GOLGA1: variants seen among roughly 807,000 people sequenced by gnomAD.
GOLGA1 encodes golgin subfamily A member 1.
Under a neutral mutation model 119.7 loss-of-function variants are expected in GOLGA1, and 63 were observed. That is an observed-to-expected ratio of 0.53 (90% CI 0.43 to 0.65). The LOEUF (loss-of-function observed/expected upper bound fraction) is 0.65, where lower values mean the gene tolerates loss of function less well. Ranked by LOEUF, GOLGA1 falls within the 30% of genes least tolerant of loss-of-function variation. GOLGA1 has a pLI of 0.00. For synonymous variants in GOLGA1, 318 were observed against 333.4 expected, an observed-to-expected ratio of 0.95 and a Z score of 0.50; for missense variants, 798 against 912.8, an observed-to-expected ratio of 0.87 and a Z score of 1.62.
chr9:124,880,591 T>G lies in GOLGA1; in HGVS notation c.2243A>C (p.Lys748Thr), dbSNP rs373829356. 6.2e-7 allele frequency: 1 copy of G among 1,609,232 alleles called. No individual in the cohort carries two copies. The highest frequency in any genetic ancestry group is 8.5e-7 in the Non-Finnish European group (1 of 1,175,838). Residue 748 changes from lysine (K) to threonine (T), a missense_variant, in exon 23 of 23, where the codon AAA becomes ACA. Physicochemically the swap from Lys to Thr is moderately conservative, Grantham distance 78 (BLOSUM62 -1). Coordinates refer to ENST00000373555, the MANE Select transcript of GOLGA1 (RefSeq NM_002077.4). ...CCGGATGCTGCCCTTGGGAGCTGGTTTGGACCCAAACCATGACATCTGCAT... is the reference window on the plus strand; with the variant it reads ...CCGGATGCTGCCCTTGGGAGCTGGTGTGGACCCAAACCATGACATCTGCAT... ...LEYKMSWFGS[K>T]PAPKGSIRPS...
upstream of GOLGA1, among the ~76,000 whole-genome samples, chr9:124,942,287 T>A (rs2131554924): frequency 6.6e-6 from 1 of 152,180 alleles, no homozygotes; most frequent in Non-Finnish European, 1.5e-5. Context: ...AAAGTCACGG[T>A]CCAAATCAGT....
chr9:124,941,910 G>T (rs1372760078), upstream of GOLGA1, among the ~76,000 whole-genome samples: 1 of 151,872 alleles, frequency 6.6e-6, no homozygotes, highest in African/African-American at 2.4e-5. Context: ...GCGAGACTCC[G>T]TCTCTTTAAA....
chr9:124,923,060 A>T, intron 8 of GOLGA1, 35 bp downstream of exon 8: 3 of 1,481,342 alleles, frequency 2.0e-6, no homozygotes, highest in Non-Finnish European at 1.9e-6. Context: ...ATAATCATCT[A>T]TTCAGTATTT....
rs146171341 is a variant in GOLGA1 at position 124,880,546 on chromosome 9, C to T, written c.2288G>A (p.Arg763Gln). The T allele has an allele frequency of 4.1e-5, 66 of 1,602,094 alleles. No homozygotes were observed. In the African/African-American group the frequency reaches 7.0e-4, roughly 17 times the overall value. Residue 763 changes from arginine (R) to glutamine (Q), a missense_variant, in exon 23 of 23, where the codon CGG becomes CAG. Arg to Gln is a conservative substitution (Grantham distance 43, BLOSUM62 1). Transcript: ENST00000373555. ...GSIRPSISNP[R>Q]IPWS ...TAGTCCCCTCTAGGACCATGGTATC[C>T]GAGGGTTTGAGATAGACGGCCGGAT... is the stretch of plus-strand genomic sequence containing the variant.
chr9:124,886,878 C>T (rs1479866286), intron 19 of GOLGA1, among the ~76,000 whole-genome samples: 1 of 151,554 alleles, frequency 6.6e-6, no homozygotes, highest in Non-Finnish European at 1.5e-5. Context: ...GGCAGAGGGG[C>T]GTGAAGGCCC....
At chr9:124,927,381 T>C (rs939517725) in intron 6 of GOLGA1, among the ~76,000 whole-genome samples, 2 of 152,218 alleles carry the variant, frequency 1.3e-5, no homozygotes, top group East Asian at 1.9e-4. Flanking sequence ...TCTTCATTTA[T>C]ATACATTCAT....
chr9:124,922,537 T>G (rs1830591541), intron 8 of GOLGA1, among the ~76,000 whole-genome samples: 1 of 121,010 alleles, frequency 8.3e-6, no homozygotes, highest in Non-Finnish European at 1.6e-5. Flanking sequence ...GGTGACAGAG[T>G]GAGACTCTAT....
intron 20 of GOLGA1, among the ~76,000 whole-genome samples, chr9:124,882,250 C>T (rs921721208): frequency 1.3e-5 from 2 of 152,224 alleles, no homozygotes; most frequent in South Asian, 2.1e-4. Context: ...ACTGCGCTGG[C>T]GTGGCAGGCA....
chr9:124,891,899 C>T (rs1243811010), intron 15 of GOLGA1, among the ~76,000 whole-genome samples: 4 of 151,786 alleles, frequency 2.6e-5, no homozygotes, highest in Non-Finnish European at 5.9e-5. Context: ...CCTGCCTTGG[C>T]CTCCCAAAAT....
intron 3 of GOLGA1, among the ~76,000 whole-genome samples, chr9:124,932,101 C>T (rs1024965949): frequency 4.4e-4 from 67 of 152,166 alleles, no homozygotes; most frequent in African/African-American, 1.6e-3. Context: ...ATAATGCTCT[C>T]CATCTACTTT....
rs1464203130 is a variant in GOLGA1 at position 124,938,569 on chromosome 9, G to T, written c.135+8C>A. 7.5e-6 allele frequency: 12 copies of T among 1,601,962 alleles called. No individual in the cohort carries two copies. The highest frequency in any genetic ancestry group is 8.5e-6 in the Non-Finnish European group (10 of 1,171,350). ...AAGTATCTTTATTTCTTAAGTAAAG[G>T]TACTTACAAAGTCATCTCCTGAGTC... On this transcript the variant is annotated splice_region_variant and intron_variant, in intron 3 of 22. Coordinates refer to ENST00000373555, the MANE Select transcript of GOLGA1 (RefSeq NM_002077.4).
At chr9:124,945,921 T>C (rs1831138220), upstream of GOLGA1, 1 of 152,118 alleles carries the variant, frequency 6.6e-6, no homozygotes, top group Non-Finnish European at 1.5e-5. Flanking sequence ...GCAAAAATAG[T>C]TGTAAAGTAT....
chr9:124,881,168 T>C lies in GOLGA1; in HGVS notation c.2223+3A>G. 1.4e-6 allele frequency: 2 copies of C among 1,456,270 alleles called. No homozygotes were observed. Among genetic ancestry groups the C allele is most frequent in the Non-Finnish European group, 1.9e-6 (2 of 1,034,976 alleles). The allele number at this position is 1,456,270 out of a possible 1,614,324, so 90.2% of individuals were successfully genotyped here. ...GCTGGAACAGTAGACCAGAGAACCC[T>C]ACCTTATATTCCAGAGTTTCCTTGA... On this transcript the variant is annotated splice_donor_region_variant and intron_variant, in intron 22 of 22. Coordinates refer to ENST00000373555, the MANE Select transcript of GOLGA1 (RefSeq NM_002077.4). This position sits in a 1 kb window ranked among gnomAD's most constrained non-coding sequence, Gnocchi z 4.9.
At chr9:124,915,236 T>C (rs1253125262) in intron 10 of GOLGA1, among the ~76,000 whole-genome samples, 2 of 152,172 alleles carry the variant, frequency 1.3e-5, no homozygotes, top group East Asian at 1.9e-4. Context: ...GACAAATCAT[T>C]TAGCCTTTGA....
intron 3 of GOLGA1, among the ~76,000 whole-genome samples, chr9:124,931,645 AAAT>A (rs1373118714): frequency 6.6e-6 from 1 of 152,226 alleles, no homozygotes; most frequent in Non-Finnish European, 1.5e-5. Flanking sequence ...CTACTGAAAT[AAAT>A]AATAGTAAAT....
intron 12 of GOLGA1, among the ~76,000 whole-genome samples, chr9:124,903,003 C>G (rs140014972): frequency 1.5e-3 from 233 of 152,230 alleles, no homozygotes; most frequent in African/African-American, 5.2e-3. Context: ...ATTTAGAAGC[C>G]AAGTTCAAGA....
chr9:124,903,924 C>A (rs1402500435), intron 12 of GOLGA1, among the ~76,000 whole-genome samples: 1 of 151,752 alleles, frequency 6.6e-6, no homozygotes, highest in Admixed American at 6.6e-5. Context: ...TGGAGCGTGC[C>A]TGTAGGCGCG....
chr9:124,887,497 A>G (rs932798385), intron 19 of GOLGA1: 1 of 151,986 alleles, frequency 6.6e-6, no homozygotes, highest in Admixed American at 6.6e-5. Flanking sequence ...ATTAGCAATA[A>G]TCGCGCCTCG....
Position 124,921,222 on chromosome 9 carries a change from T to C in GOLGA1, c.750A>G (p.Ser250=). The C allele has an allele frequency of 3.1e-6, 5 of 1,608,916 alleles. No homozygotes were observed. The highest frequency in any genetic ancestry group is 4.3e-6 in the Non-Finnish European group (5 of 1,175,292). ...LEEQRDHVIA[S]KTGAESKITA... ...TGATCTTACTTTCTGCACCTGTTTT[T>C]GAAGCTATCACATGATCTCTTCATC... The change falls in exon 10 of 23, where the codon TCA becomes TCG. Residue 250 remains serine, a synonymous_variant. Transcript: ENST00000373555.
Sources: allele counts gnomAD v4.1 joint callset (sites outside exome capture counted in the v4.1 genomes callset), GRCh38; gene constraint gnomAD v4.1.1; non-coding constraint Gnocchi (gnomAD v3.1); transcripts MANE v1.5; gene names NCBI Gene and HGNC (gene_info 2026-07-23, HGNC 2026-07-21).